Variants in ST7 observed in about 807,000 individuals in gnomAD.
ST7 encodes suppression of tumorigenicity 7, also known as suppressor of tumorigenicity 7 protein.
A neutral mutation model predicts 78.7 loss-of-function variants in ST7; 28 were observed. That is an observed-to-expected ratio of 0.36 (90% CI 0.26 to 0.49). The LOEUF is 0.49. Among genes scored for constraint, ST7 ranks in the 20% least tolerant of loss-of-function variants. ST7 has a pLI of 0.99. For synonymous variants in ST7, 247 were observed against 249.6 expected, an observed-to-expected ratio of 0.99 and a Z score of 0.10; for missense variants, 418 against 696.0, an observed-to-expected ratio of 0.60 and a Z score of 4.49.
chr7:117,143,962 A>G lies in ST7; in HGVS notation c.963+5430A>G, dbSNP rs73468731. 2.4e-3 allele frequency among the ~76,000 whole-genome samples: 367 copies of G among 152,322 alleles called. 3 individuals are homozygous for G. Among genetic ancestry groups the G allele is most frequent in the African/African-American group, 8.6e-3 (356 of 41,580 alleles). ...CTTGGTCTCAGAACACCTTTAAAAT[A>G]ATTGAGGATCCCCAAACCTTCGTGT... is the stretch of plus-strand genomic sequence containing the variant. On this transcript the variant is annotated intron_variant, in intron 9 of 15. Coordinates refer to ENST00000323984, the MANE Select transcript of ST7 (RefSeq NM_001369598.1).
chr7:117,046,901 A>G (rs1020683120), intron 1 of ST7, among the ~76,000 whole-genome samples: 1 of 152,190 alleles, frequency 6.6e-6, no homozygotes, highest in Non-Finnish European at 1.5e-5. Flanking sequence ...TGCAGGTTTA[A>G]TGTTAAATTA....
intron 1 of ST7, among the ~76,000 whole-genome samples, chr7:117,001,120 C>T (rs1187903282): frequency 2.6e-5 from 4 of 152,150 alleles, no homozygotes. Flanking sequence ...CACCTTATCT[C>T]ATGTGCACAA....
At chr7:117,030,264 A>T (rs962609708) in intron 1 of ST7, among the ~76,000 whole-genome samples, 1 of 152,198 alleles carries the variant, frequency 6.6e-6, no homozygotes, top group South Asian at 2.1e-4. Flanking sequence ...ACTTATTTGG[A>T]GTGGAATGAC....
At chr7:116,964,428 C>T (rs549918710) in intron 1 of ST7, among the ~76,000 whole-genome samples, 1 of 152,298 alleles carries the variant, frequency 6.6e-6, no homozygotes, top group Non-Finnish European at 1.5e-5. Flanking sequence ...ATTTATTACA[C>T]CTGCTCCACT....
At chr7:117,131,310 C>T (rs1804332135) in intron 5 of ST7, among the ~76,000 whole-genome samples, 1 of 151,816 alleles carries the variant, frequency 6.6e-6, no homozygotes, top group South Asian at 2.1e-4. Context: ...CATCATGGTA[C>T]AGTAAATATT....
rs73472894 is a variant in ST7, at chr7:116,966,782, C to T, written c.151+13091C>T. Among the ~76,000 whole-genome samples, 6 of 152,260 alleles carry T rather than the reference C, an allele frequency of 3.9e-5. No individual in the cohort carries two copies. In the East Asian group the frequency reaches 1.2e-3, roughly 29 times the overall value. On this transcript the variant is annotated intron_variant, in intron 1 of 15. Coordinates refer to ENST00000323984, the MANE Select transcript of ST7 (RefSeq NM_001369598.1). ...AAGCCCAGCTGTGATTGTGAAATGACATTATTTTCACCTTGCATTTAATTG... is the reference window on the plus strand; with the variant it reads ...AAGCCCAGCTGTGATTGTGAAATGATATTATTTTCACCTTGCATTTAATTG...
At chr7:117,097,893 T>TGAC (rs1563078758) in intron 1 of ST7, among the ~76,000 whole-genome samples, 1 of 23,436 alleles carries the variant, frequency 4.3e-5, no homozygotes, top group African/African-American at 1.7e-4. Flanking sequence ...TATATATATA[T>TGAC]ATATATATAT....
intron 1 of ST7, among the ~76,000 whole-genome samples, chr7:117,094,708 C>T (rs991669663): frequency 2.0e-5 from 3 of 152,194 alleles, no homozygotes; most frequent in African/African-American, 7.2e-5. Context: ...TCAGGGCCAT[C>T]ACAACACTGT....
chr7:117,075,728 T>C (rs867365796), intron 1 of ST7, among the ~76,000 whole-genome samples: 3 of 152,236 alleles, frequency 2.0e-5, no homozygotes, highest in Non-Finnish European at 4.4e-5. Flanking sequence ...TGCAGGGGAT[T>C]CCCATAAGTC....
At chr7:117,160,413 G>C (rs1190510871) in intron 9 of ST7, among the ~76,000 whole-genome samples, 2 of 151,878 alleles carry the variant, frequency 1.3e-5, no homozygotes, top group African/African-American at 4.8e-5. Flanking sequence ...TTACTGATGA[G>C]GAAAATGAGC....
intron 1 of ST7, among the ~76,000 whole-genome samples, chr7:117,030,373 T>C (rs1796413109): frequency 1.3e-5 from 2 of 152,310 alleles, no homozygotes; most frequent in South Asian, 2.1e-4. Context: ...GGAGGAATTA[T>C]TTGCACTTGT....
At chr7:117,148,249 GTTA>G (rs1355823590) in intron 9 of ST7, among the ~76,000 whole-genome samples, 7 of 152,158 alleles carry the variant, frequency 4.6e-5, no homozygotes, top group African/African-American at 1.7e-4. Context: ...TTACTGATAT[GTTA>G]TTATGAGTAT....
chr7:117,129,680 G>A, intron 3 of ST7, 113 bp from the exon 4 acceptor site: 1 of 812,504 alleles, frequency 1.2e-6, no homozygotes, highest in South Asian at 1.5e-5. Flanking sequence ...CCATGTAAAG[G>A]GTAGTGAATA....
At chr7:117,185,856 G>A (rs1809209350) in intron 10 of ST7, among the ~76,000 whole-genome samples, 1 of 152,216 alleles carries the variant, frequency 6.6e-6, no homozygotes, top group African/African-American at 2.4e-5. Context: ...CCAAGAGGCG[G>A]AGGTTGCAGT....
At chr7:117,075,837 A>C (rs1799301676) in intron 1 of ST7, among the ~76,000 whole-genome samples, 2 of 152,250 alleles carry the variant, frequency 1.3e-5, no homozygotes, top group South Asian at 4.1e-4. Context: ...TTTGATAAAC[A>C]TAGAAATTGA....
chr7:117,122,455 T>A (rs532802487), intron 3 of ST7, among the ~76,000 whole-genome samples: 2 of 152,312 alleles, frequency 1.3e-5, no homozygotes, highest in South Asian at 4.1e-4. Context: ...TTGTTTGTAT[T>A]TTTTACTTGG....
At chr7:117,147,218 A>C (rs1805864198) in intron 9 of ST7, among the ~76,000 whole-genome samples, 2 of 152,050 alleles carry the variant, frequency 1.3e-5, no homozygotes, top group Admixed American at 6.6e-5. Flanking sequence ...TATTTTACTT[A>C]ACCTTTCCTC....
intron 3 of ST7, among the ~76,000 whole-genome samples, 164 bp downstream of exon 3, chr7:117,119,884 G>T (rs774695350): frequency 2.0e-5 from 3 of 151,894 alleles, no homozygotes; most frequent in Non-Finnish European, 4.4e-5. Context: ...AGAGAGGGAG[G>T]GTATAAACAT....
At position 116,962,497 on chromosome 7, in the gene ST7, G is replaced by A. The variant is rs568858414; in HGVS notation, c.151+8806G>A. Among the ~76,000 whole-genome samples the A allele has an allele frequency of 2.6e-5, 4 of 152,246 alleles. No individual in the cohort carries two copies. In the South Asian group the frequency reaches 8.3e-4, roughly 32 times the overall value. The stretch of plus-strand genomic sequence containing the variant: ...TCACCATTCTGACTGGTGTGAGATG[G>A]TATCTCATTGTGGTTTTGATTTGCA... On this transcript the variant is annotated intron_variant, in intron 1 of 15. Coordinates refer to ENST00000323984, the MANE Select transcript of ST7 (RefSeq NM_001369598.1).
Sources: gnomAD v4.1 joint callset for allele counts (sites outside exome capture counted in the v4.1 genomes callset) on GRCh38, gnomAD v4.1.1 for gene constraint, MANE v1.5 for transcripts, NCBI Gene and HGNC (gene_info 2026-07-23, HGNC 2026-07-21) for gene names.